The following MOB1B variants were observed in gnomAD, a reference collection of about 807,000 sequenced individuals.
MOB1B encodes the protein MOB1 Mps One Binder homolog B.
Under a neutral mutation model 24.4 loss-of-function variants are expected in MOB1B, and 19 were observed. That is an observed-to-expected ratio of 0.78 (90% CI 0.54 to 1.14). The LOEUF is 1.14. MOB1B is among the 50% of genes most tolerant of loss of function. MOB1B has a pLI of 0.00. For missense variants in MOB1B, 243 were observed against 259.6 expected (o/e 0.94, Z 0.44); for synonymous variants, 76 against 82.1 (o/e 0.93, Z 0.40).
intron 2 of MOB1B, among the ~76,000 whole-genome samples, chr4:70,961,587 A>G (rs1429567120): frequency 1.3e-5 from 2 of 152,238 alleles, no homozygotes; most frequent in African/African-American, 4.8e-5. Flanking sequence ...ATTTCACAGT[A>G]GTTCTATGAT....
intron 4 of MOB1B, among the ~76,000 whole-genome samples, chr4:70,978,141 T>G (rs1739073876): frequency 2.0e-5 from 3 of 152,246 alleles, no homozygotes; most frequent in Non-Finnish European, 4.4e-5. Flanking sequence ...CTCTGTATAT[T>G]TGACTTAAAA....
intron 2 of MOB1B, among the ~76,000 whole-genome samples, chr4:70,965,650 C>A (rs1191773315): frequency 1.3e-5 from 2 of 150,520 alleles, no homozygotes; most frequent in Non-Finnish European, 3.0e-5. Context: ...ACAAAAAATT[C>A]TCTGGGCGTG....
chr4:70,957,138 T>TATGTTCAA (rs1337298919), intron 1 of MOB1B, among the ~76,000 whole-genome samples: 1 of 148,938 alleles, frequency 6.7e-6, no homozygotes, highest in Admixed American at 6.7e-5. Context: ...TCCGTATTCA[T>TATGTTCAA]ATGTTCAAAT....
intron 1 of MOB1B, among the ~76,000 whole-genome samples, chr4:70,929,136 A>T (rs1736772658): frequency 6.6e-6 from 1 of 150,400 alleles, no homozygotes; most frequent in Admixed American, 6.6e-5. Context: ...CTTCCAAATA[A>T]TTTCTGTCCC....
Position 70,958,951 on chromosome 4 carries a change from A to C in MOB1B, c.92A>C (p.His31Pro). The C allele has an allele frequency of 6.2e-7, 1 of 1,614,178 alleles. No homozygotes were observed. Among genetic ancestry groups the C allele is most frequent in the Non-Finnish European group, 8.5e-7 (1 of 1,180,026 alleles). ...EGSHQYELLK[H>P]AEATLGSGNL... is the part of the protein sequence containing the mutation. Reference sequence around the variant, plus strand: ...TCTCACCAGTATGAGCTCTTAAAACACGCAGAAGCCACACTTGGCAGTGGC... The same window carrying C: ...TCTCACCAGTATGAGCTCTTAAAACCCGCAGAAGCCACACTTGGCAGTGGC... Residue 31 changes from histidine (H) to proline (P), a missense_variant, in exon 2 of 6, where the codon CAC becomes CCC. Transcript: ENST00000309395.
At chr4:70,947,526 G>A (rs1395915219) in intron 1 of MOB1B, among the ~76,000 whole-genome samples, 1 of 152,154 alleles carries the variant, frequency 6.6e-6, no homozygotes, top group African/African-American at 2.4e-5. Flanking sequence ...GTATATTTTG[G>A]ATATAAGTCC....
intron 1 of MOB1B, among the ~76,000 whole-genome samples, chr4:70,930,131 C>T (rs1456259426): frequency 6.6e-6 from 1 of 151,730 alleles, no homozygotes; most frequent in African/African-American, 2.4e-5. Context: ...ATGCTTTTTT[C>T]GAAATTAGCA....
In MOB1B at chr4:70,958,906, A is replaced by G; in HGVS notation, c.47A>G (p.Lys16Arg). 6.2e-7 allele frequency: 1 copy of G among 1,613,210 alleles called. No individual in the cohort carries two copies. The highest frequency in any genetic ancestry group is 1.7e-4 in the Middle Eastern group (1 of 6,056). Reference protein sequence around the residue: ...GSRSSKTFKPKKNIPEGSHQY... With the variant: ...GSRSSKTFKPRKNIPEGSHQY... Reference sequence around the variant, plus strand: ...CGCTCTTCTAAAACTTTTAAACCAAAGAAGAACATTCCAGAGGGTTCTCAC... The same window carrying G: ...CGCTCTTCTAAAACTTTTAAACCAAGGAAGAACATTCCAGAGGGTTCTCAC... Residue 16 changes from lysine to arginine, a missense_variant, in exon 2 of 6, where the codon AAG (lysine) becomes AGG (arginine). Coordinates refer to ENST00000309395, the MANE Select transcript of MOB1B (RefSeq NM_173468.4).
At chr4:70,903,448 A>G (rs943123597) in intron 1 of MOB1B, among the ~76,000 whole-genome samples, 1 of 152,192 alleles carries the variant, frequency 6.6e-6, no homozygotes, top group African/African-American at 2.4e-5. Context: ...TGGAGGCAGT[A>G]GATAAGCCTC....
At chr4:70,935,932 A>T (rs937121107) in intron 1 of MOB1B, among the ~76,000 whole-genome samples, 11 of 148,450 alleles carry the variant, frequency 7.4e-5, no homozygotes, top group Non-Finnish European at 1.5e-4. Flanking sequence ...GCTCACTGCA[A>T]GCTCCGCCTC....
At chr4:70,921,498 T>TCCCCTCCCCC (rs1736438756) in intron 1 of MOB1B, among the ~76,000 whole-genome samples, 1 of 40,812 alleles carries the variant, frequency 2.5e-5, no homozygotes, top group Non-Finnish European at 5.0e-5. Context: ...TCCCCTCCCC[T>TCCCCTCCCCC]CCCCTCCCCT....
intron 1 of MOB1B, among the ~76,000 whole-genome samples, chr4:70,934,135 A>T (rs1736990130): frequency 6.6e-6 from 1 of 152,098 alleles, no homozygotes; most frequent in African/African-American, 2.4e-5. Context: ...CCCAGGCTGG[A>T]GTGCAGTGGC....
At chr4:70,958,323 C>T (rs1042353595) in intron 1 of MOB1B, among the ~76,000 whole-genome samples, 1 of 151,942 alleles carries the variant, frequency 6.6e-6, no homozygotes, top group African/African-American at 2.4e-5. Flanking sequence ...CGCCACCATG[C>T]CTGGCTAATT....
At position 70,979,295 on chromosome 4, in the gene MOB1B, A is replaced by G. The variant is rs1367246031; in HGVS notation, c.573+4A>G. 1 of 1,611,376 alleles carries G rather than the reference A, an allele frequency of 6.2e-7. No individual in the cohort carries two copies. Among genetic ancestry groups the G allele is most frequent in the East Asian group, 2.2e-5 (1 of 44,840 alleles). ...GCACTTTATTTTTTTTGTCCAGGTA[A>G]GTTGGATTAGGAGGCCTTTGGTGCT... is the stretch of plus-strand genomic sequence containing the variant. On this transcript the variant is annotated splice_donor_region_variant and intron_variant, in intron 5 of 5. Coordinates refer to ENST00000309395, the MANE Select transcript of MOB1B (RefSeq NM_173468.4).
chr4:70,979,085 G>C, intron 4 of MOB1B, 43 bp from the exon 5 acceptor site: 1 of 1,519,888 alleles, frequency 6.6e-7, no homozygotes, highest in Non-Finnish European at 9.1e-7. Context: ...TTGTCTTGTT[G>C]TCATCTCTTG....
chr4:70,968,459 G>T (rs1738625340), intron 2 of MOB1B, among the ~76,000 whole-genome samples: 1 of 152,054 alleles, frequency 6.6e-6, no homozygotes, highest in African/African-American at 2.4e-5. Flanking sequence ...TTACAGGCAT[G>T]CGCCACCACA....
chr4:70,958,590 G>C (rs1387118881), intron 1 of MOB1B: 1 of 459,134 alleles, frequency 2.2e-6, no homozygotes, highest in African/African-American at 2.0e-5. Context: ...TAGAATAGGA[G>C]TGAAAGGAAT....
intron 1 of MOB1B, among the ~76,000 whole-genome samples, chr4:70,948,081 A>C (rs750056201): frequency 1.2e-4 from 19 of 152,112 alleles, no homozygotes; most frequent in Non-Finnish European, 2.4e-4. Context: ...CTATCATCTA[A>C]TTCATGTTAA....
chr4:70,902,655 A>G (rs1057114449), intron 1 of MOB1B, 105 bp downstream of exon 1: 8 of 946,136 alleles, frequency 8.5e-6, no homozygotes, highest in Non-Finnish European at 1.1e-5. Flanking sequence ...CTCCTGGCCC[A>G]GCGCTCCCGG....
Sources: gnomAD v4.1 joint callset for allele counts (sites outside exome capture counted in the v4.1 genomes callset) on GRCh38, gnomAD v4.1.1 for gene constraint, MANE v1.5 for transcripts, NCBI Gene and HGNC (gene_info 2026-07-23, HGNC 2026-07-21) for gene names.